AFF1: variants seen among roughly 807,000 people sequenced by gnomAD.
The protein encoded by AFF1 is ALF transcription elongation factor 1.
In AFF1, 48 loss-of-function variants were observed where a neutral mutation model predicts 121.7. The observed-to-expected ratio is 0.39, with a 90% CI of 0.31 to 0.50. The LOEUF is 0.50. AFF1 is among the 20% of genes least tolerant of loss of function. The pLI, the probability that AFF1 is intolerant of heterozygous loss-of-function variation, is 0.76. For missense variants in AFF1, 1,523 were observed against 1,511.7 expected (o/e 1.01, Z -0.12); for synonymous variants, 613 against 563.0 (o/e 1.09, Z -1.26).
intron 4 of AFF1, among the ~76,000 whole-genome samples, chr4:87,054,161 T>C (rs1421988651): frequency 6.6e-6 from 1 of 152,202 alleles, no homozygotes; most frequent in Non-Finnish European, 1.5e-5. Context: ...CTGATAAAAA[T>C]ACAAATTGTT....
At chr4:87,017,085 A>ATG (rs1299313487) in intron 2 of AFF1, among the ~76,000 whole-genome samples, 13 of 137,220 alleles carry the variant, frequency 9.5e-5, no homozygotes, top group Non-Finnish European at 1.8e-4. Flanking sequence ...GTGTGTGTGT[A>ATG]TGTGTATATA....
rs184021065 is a variant in AFF1, at chr4:87,137,780, T to C, written c.*2079T>C. 1,129 of 232,388 alleles carry C rather than the reference T, an allele frequency of 4.9e-3. 39 individuals carry two copies. The Admixed American group carries it at 0.057, about 12-fold the overall frequency. The allele number at this position is 232,388 out of a possible 1,614,324, so 14.4% of individuals were successfully genotyped here. On this transcript the variant is annotated 3_prime_UTR_variant, in exon 21 of 21. Coordinates refer to ENST00000395146, the MANE Select transcript of AFF1 (RefSeq NM_001166693.3). Reference sequence around the variant, plus strand: ...TTATTTCGATATTGAAGATGTTATTTAACATCTTTCTTTTTTCCTTACTCC... The same window carrying C: ...TTATTTCGATATTGAAGATGTTATTCAACATCTTTCTTTTTTCCTTACTCC...
intron 12 of AFF1, among the ~76,000 whole-genome samples, chr4:87,118,284 G>A (rs1405288528): frequency 1.4e-5 from 2 of 142,354 alleles, no homozygotes; most frequent in African/African-American, 5.4e-5. Context: ...GAAGCCATTA[G>A]ACATGGCACC....
chr4:87,068,392 A>G (rs766167766), intron 4 of AFF1, among the ~76,000 whole-genome samples: 11 of 152,164 alleles, frequency 7.2e-5, no homozygotes, highest in Non-Finnish European at 1.0e-4. Context: ...GACACTGCCT[A>G]TTAGGCAGGT....
At chr4:87,091,488 G>A (rs1398426175) in intron 6 of AFF1, among the ~76,000 whole-genome samples, 4 of 152,170 alleles carry the variant, frequency 2.6e-5, no homozygotes, top group African/African-American at 9.7e-5. Context: ...AAATATCTTT[G>A]TGCAACAACA....
At chr4:87,095,911 C>G (rs1325709100) in intron 8 of AFF1, among the ~76,000 whole-genome samples, 1 of 152,180 alleles carries the variant, frequency 6.6e-6, no homozygotes, top group Non-Finnish European at 1.5e-5. Flanking sequence ...CTCAGGATTT[C>G]AGGTGGCCCA....
At chr4:87,022,584 CTATCTA>C (rs1422951155) in intron 2 of AFF1, among the ~76,000 whole-genome samples, 4 of 112,432 alleles carry the variant, frequency 3.6e-5, no homozygotes, top group Non-Finnish European at 7.2e-5. Flanking sequence ...ATATATATAT[CTATCTA>C]TATCTATCTG....
intron 2 of AFF1, among the ~76,000 whole-genome samples, chr4:87,025,903 C>G (rs1191107049): frequency 6.6e-6 from 1 of 152,116 alleles, no homozygotes; most frequent in Non-Finnish European, 1.5e-5. Context: ...TTGCTTAGGA[C>G]ACAGTATGTG....
chr4:86,980,910 C>T (rs1328264918), intron 2 of AFF1, among the ~76,000 whole-genome samples: 3 of 150,862 alleles, frequency 2.0e-5, no homozygotes, highest in Non-Finnish European at 4.4e-5. Flanking sequence ...TGTGGTGGCT[C>T]ACGCCTATAA....
intron 2 of AFF1, among the ~76,000 whole-genome samples, chr4:87,016,263 T>G (rs890713712): frequency 6.6e-6 from 1 of 152,164 alleles, no homozygotes. Context: ...AGATCTTTTA[T>G]ATCTTTTGTT....
At chr4:87,017,012 A>T (rs1727361898) in intron 2 of AFF1, among the ~76,000 whole-genome samples, 2 of 151,564 alleles carry the variant, frequency 1.3e-5, no homozygotes, top group South Asian at 2.1e-4. Flanking sequence ...CCAATTTTTT[A>T]AAAAATTGTG....
chr4:87,111,000 T>TTATTTTATTTTA (rs1450990422), intron 11 of AFF1, among the ~76,000 whole-genome samples: 4 of 83,408 alleles, frequency 4.8e-5, no homozygotes, highest in African/African-American at 2.2e-4. Flanking sequence ...TAAACTTTAT[T>TTATTTTATTTTA]TTTTTTTTTT....
rs560103704 is a variant in AFF1, at chr4:86,938,325, C to T, written c.-37+3085C>T. Among the ~76,000 whole-genome samples the T allele has an allele frequency of 2.0e-5, 3 of 152,028 alleles. No homozygotes were observed. In the East Asian group the frequency reaches 5.8e-4, roughly 30 times the overall value. ...AGTAGCTGGGCATGATGGCGTGCTC[C>T]TGTAATTACGCTTCCTCGGGAGGCT... On this transcript the variant is annotated intron_variant, in intron 1 of 20. Coordinates refer to ENST00000395146, the MANE Select transcript of AFF1 (RefSeq NM_001166693.3).
chr4:86,970,852 G>C (rs942906439), intron 2 of AFF1, among the ~76,000 whole-genome samples: 1 of 152,190 alleles, frequency 6.6e-6, no homozygotes, highest in Non-Finnish European at 1.5e-5. Context: ...TGTGTGCTTT[G>C]TATTTTTGTG....
chr4:87,112,717 G>A (rs2149762500), intron 11 of AFF1, among the ~76,000 whole-genome samples: 1 of 152,324 alleles, frequency 6.6e-6, no homozygotes. Context: ...ATCTACCGGA[G>A]TGTTCTCCTT....
intron 4 of AFF1, among the ~76,000 whole-genome samples, chr4:87,081,078 A>G (rs1188394358): frequency 6.6e-6 from 1 of 151,360 alleles, no homozygotes; most frequent in African/African-American, 2.4e-5. Context: ...AAATGCTAAC[A>G]TTTGGGAAAT....
At chr4:87,063,482 G>A (rs1323117325) in intron 4 of AFF1, among the ~76,000 whole-genome samples, 2 of 151,856 alleles carry the variant, frequency 1.3e-5, no homozygotes, top group Non-Finnish European at 2.9e-5. Flanking sequence ...CAGGTGATCC[G>A]CCCACCTCGG....
At chr4:87,124,289 A>G (rs1316502150) in intron 12 of AFF1, among the ~76,000 whole-genome samples, 1 of 152,204 alleles carries the variant, frequency 6.6e-6, no homozygotes, top group Non-Finnish European at 1.5e-5. Flanking sequence ...CAATAGTGAC[A>G]GATTCCCTTT....
At position 87,020,179 on chromosome 4, in the gene AFF1, T is replaced by G. The variant is rs538606715; in HGVS notation, c.39-25987T>G. ...GCTATATTTAATTACATAAAGTTGC[T>G]TCAAAGATCTGCATTCATTATCACC... On this transcript the variant is annotated intron_variant, in intron 2 of 20. Transcript: ENST00000395146. Among the ~76,000 whole-genome samples the G allele has an allele frequency of 2.0e-5, 3 of 152,380 alleles. No individual in the cohort carries two copies. The South Asian group carries it at 6.2e-4, about 32-fold the overall frequency.
Sources: gnomAD v4.1 joint callset for allele counts (sites outside exome capture counted in the v4.1 genomes callset) on GRCh38, gnomAD v4.1.1 for gene constraint, MANE v1.5 for transcripts, NCBI Gene and HGNC (gene_info 2026-07-23, HGNC 2026-07-21) for gene names.